Variants in DCP1A observed in about 807,000 individuals in gnomAD.
DCP1A encodes mRNA-decapping enzyme 1A.
In DCP1A, 20 loss-of-function variants were observed where a neutral mutation model predicts 58.0. The ratio of observed to expected loss-of-function variants is 0.34; its 90% CI spans 0.24 to 0.50. The LOEUF (loss-of-function observed/expected upper bound fraction) is 0.50. DCP1A is among the 20% of genes least tolerant of loss of function. The pLI is 0.98. For missense variants in DCP1A, 613 were observed against 712.2 expected (o/e 0.86, Z 1.59); for synonymous variants, 285 against 275.1 (o/e 1.04, Z -0.36).
intron 3 of DCP1A, among the ~76,000 whole-genome samples, chr3:53,339,290 T>C (rs687346): frequency 0.085 from 12,908 of 152,272 alleles, 723 homozygotes; most frequent in Non-Finnish European, 0.12. Flanking sequence ...CTTTCCCTAA[T>C]GAAATGACCT....
intron 8 of DCP1A, 79 bp from the exon 9 acceptor site, chr3:53,288,362 A>G: frequency 9.1e-7 from 1 of 1,103,214 alleles, no homozygotes; most frequent in South Asian, 1.4e-5. Context: ...ATGTGGAAAC[A>G]GGCATAAGCA....
intron 7 of DCP1A, 125 bp downstream of exon 7, chr3:53,291,944 G>T: frequency 9.4e-7 from 1 of 1,063,094 alleles, no homozygotes; most frequent in Non-Finnish European, 1.3e-6. Flanking sequence ...CCGAGCCTCT[G>T]ACATACTTTA....
intron 4 of DCP1A, among the ~76,000 whole-genome samples, chr3:53,316,031 G>C (rs988992675): frequency 2.6e-5 from 4 of 152,110 alleles, no homozygotes; most frequent in Non-Finnish European, 5.9e-5. Context: ...TGGGATTACA[G>C]GCGTGAGCCA....
chr3:53,285,925 T>C lies in DCP1A; in HGVS notation c.*1655A>G, dbSNP rs1386021789. The C allele has an allele frequency of 6.6e-6, 1 of 152,206 alleles. No homozygotes were observed. The highest frequency in any genetic ancestry group is 1.5e-5 in the Non-Finnish European group (1 of 68,028). 9.4% of individuals were successfully genotyped at this position (152,206 alleles called of 1,614,324 possible). On this transcript the variant is annotated 3_prime_UTR_variant, in exon 10 of 10. Transcript: ENST00000610213. ...ATCTGTGAAAACAAACTATTCACAA[T>C]TGAGCATGAAAACTTATAAGCTTCC...
chr3:53,310,377 G>A (rs563366505), intron 5 of DCP1A, among the ~76,000 whole-genome samples: 3 of 152,170 alleles, frequency 2.0e-5, no homozygotes, highest in East Asian at 1.9e-4. Context: ...CTACTTTCTC[G>A]TTGTGGCTAC....
At chr3:53,323,017 G>C (rs1708014702) in intron 3 of DCP1A, among the ~76,000 whole-genome samples, 1 of 151,932 alleles carries the variant, frequency 6.6e-6, no homozygotes, top group African/African-American at 2.4e-5. Flanking sequence ...GTAGAGATGG[G>C]GTTTAACCAT....
rs782205179 is a variant in DCP1A at position 53,288,191 on chromosome 3, A to G, written c.1542T>C (p.Ser514=). 1 of 1,614,006 alleles carries G rather than the reference A, an allele frequency of 6.2e-7. No individual in the cohort carries two copies. The highest frequency in any genetic ancestry group is 1.7e-5 in the Admixed American group (1 of 60,010). ...PSVFQQTVTR[S]SDLERKASSP... Reference sequence around the variant, plus strand: ...AGCTGGCTTTCCTCTCAAGGTCCGAAGATCTTGTAACTGTCTGCTGGAAAA... The same window carrying G: ...AGCTGGCTTTCCTCTCAAGGTCCGAGGATCTTGTAACTGTCTGCTGGAAAA... The change falls in exon 9 of 10, where the codon TCT becomes TCC. Residue 514 remains serine (S), a synonymous_variant. Transcript: ENST00000610213.
At chr3:53,322,794 A>G (rs1182051421) in intron 3 of DCP1A, among the ~76,000 whole-genome samples, 1 of 147,876 alleles carries the variant, frequency 6.8e-6, no homozygotes, top group Non-Finnish European at 1.5e-5. Context: ...AGAGTTTCCC[A>G]TGTTTGTTTG....
chr3:53,318,252 C>G (rs1575608943), intron 4 of DCP1A, among the ~76,000 whole-genome samples: 1 of 152,160 alleles, frequency 6.6e-6, no homozygotes, highest in Non-Finnish European at 1.5e-5. Context: ...CTGCACTGAG[C>G]TGTGACTGCG....
chr3:53,298,510 A>G (rs1195915391), intron 6 of DCP1A, among the ~76,000 whole-genome samples: 1 of 152,216 alleles, frequency 6.6e-6, no homozygotes, highest in Non-Finnish European at 1.5e-5. Flanking sequence ...AGCACTTTAC[A>G]TGTATTACTC....
At chr3:53,329,448 A>T (rs1258152064) in intron 3 of DCP1A, 11 of 398,390 alleles carry the variant, frequency 2.8e-5, no homozygotes, top group African/African-American at 1.0e-4. Context: ...TTTGGAGGTA[A>T]GTTCTTAAAA....
At chr3:53,333,602 G>A (rs2089055975) in intron 3 of DCP1A, among the ~76,000 whole-genome samples, 1 of 151,742 alleles carries the variant, frequency 6.6e-6, no homozygotes, top group African/African-American at 2.4e-5. Flanking sequence ...CCAGGAGGTC[G>A]AGACAGCCTG....
chr3:53,340,442 G>GGCC, intron 3 of DCP1A, among the ~76,000 whole-genome samples: 1 of 152,306 alleles, frequency 6.6e-6, no homozygotes, highest in South Asian at 2.1e-4. Flanking sequence ...ACTTCAAAGT[G>GGCC]TGCTACGGAA....
chr3:53,325,036 C>A (rs1302459805), intron 3 of DCP1A, among the ~76,000 whole-genome samples: 1 of 151,862 alleles, frequency 6.6e-6, no homozygotes, highest in Non-Finnish European at 1.5e-5. Flanking sequence ...ATACAAATTA[C>A]AAAAATTAAA....
intron 6 of DCP1A, among the ~76,000 whole-genome samples, chr3:53,302,921 G>C (rs1307250396): frequency 6.6e-6 from 1 of 151,116 alleles, no homozygotes; most frequent in Non-Finnish European, 1.5e-5. Flanking sequence ...CTGCACCTGG[G>C]AGTTTTATTT....
chr3:53,287,486 A>T lies in DCP1A; in HGVS notation c.*94T>A. 10 of 783,654 alleles carry T rather than the reference A, an allele frequency of 1.3e-5. No individual in the cohort carries two copies. The highest frequency in any genetic ancestry group is 2.4e-4 in the Middle Eastern group (1 of 4,230). 48.5% of individuals were successfully genotyped at this position (783,654 alleles called of 1,614,324 possible). A position where few individuals can be genotyped will look rare whatever the true frequency, so the allele number is the denominator to read the frequency against. Reference sequence around the variant, plus strand: ...TCTTTCTCATAGGCTCAATTTCAGGATTCTCAAACTCAATGTTCTGCTCAG... The same window carrying T: ...TCTTTCTCATAGGCTCAATTTCAGGTTTCTCAAACTCAATGTTCTGCTCAG... On this transcript the variant is annotated 3_prime_UTR_variant, in exon 10 of 10. Coordinates refer to ENST00000610213, the MANE Select transcript of DCP1A (RefSeq NM_018403.7).
intron 4 of DCP1A, among the ~76,000 whole-genome samples, chr3:53,317,879 C>T (rs1553689424): frequency 6.6e-6 from 1 of 152,114 alleles, no homozygotes; most frequent in African/African-American, 2.4e-5. Context: ...AGCTCACAGC[C>T]AGAACAGGCA....
intron 1 of DCP1A, among the ~76,000 whole-genome samples, chr3:53,345,808 T>C (rs189912765): frequency 2.0e-5 from 3 of 152,274 alleles, no homozygotes; most frequent in Admixed American, 2.0e-4. Flanking sequence ...AGAGGCTTTT[T>C]CTTACCTTTA....
At chr3:53,332,758 G>T (rs1414371320) in intron 3 of DCP1A, among the ~76,000 whole-genome samples, 1 of 151,834 alleles carries the variant, frequency 6.6e-6, no homozygotes, top group Non-Finnish European at 1.5e-5. Flanking sequence ...CCAGCCACTC[G>T]GGAGGCTAAG....
Sources: allele counts gnomAD v4.1 joint callset (sites outside exome capture counted in the v4.1 genomes callset), GRCh38; gene constraint gnomAD v4.1.1; transcripts MANE v1.5; gene names NCBI Gene and HGNC (gene_info 2026-07-23, HGNC 2026-07-21).